Variants in DMD observed in about 807,000 individuals in gnomAD.
The protein encoded by DMD is dystrophin.
A neutral mutation model predicts 330.1 loss-of-function variants in DMD; 63 were observed. The observed-to-expected ratio is 0.19, with a 90% confidence interval of 0.16 to 0.24. The LOEUF (loss-of-function observed/expected upper bound fraction) is 0.24. Ranked by LOEUF, DMD falls within the 10% of genes least tolerant of loss-of-function variation. The pLI is 1.00. For synonymous variants in DMD, 1,223 were observed against 959.8 expected, an observed-to-expected ratio of 1.27 and a Z score of -5.07; for missense variants, 3,344 against 2,684.1, an observed-to-expected ratio of 1.25 and a Z score of -5.43.
At chrX:32,625,196 G>A (rs1280803689) in intron 11 of DMD, among the ~76,000 whole-genome samples, 1 of 111,680 alleles carries the variant, frequency 9.0e-6, no homozygotes, top group Non-Finnish European at 1.9e-5. Context: ...AAGAATGTAG[G>A]AAGGCAATTA....
intron 4 of DMD, among the ~76,000 whole-genome samples, chrX:32,836,867 A>G (rs917594891): frequency 2.7e-5 from 3 of 112,160 alleles, no homozygotes; most frequent in African/African-American, 9.7e-5. Context: ...CCCGTTTATA[A>G]TTTGTGTATG....
chrX:33,103,170 T>C (rs1422006874), intron 1 of DMD, among the ~76,000 whole-genome samples: 3 of 111,706 alleles, frequency 2.7e-5, no homozygotes, highest in Admixed American at 1.9e-4. Context: ...AGCATCACGA[T>C]ATTAAATACG....
intron 43 of DMD, among the ~76,000 whole-genome samples, chrX:32,251,156 T>C (rs2097262072): frequency 9.1e-6 from 1 of 110,115 alleles, no homozygotes; most frequent in African/African-American, 3.3e-5. Context: ...AACCTGCACG[T>C]TCTGCACCTG....
At chrX:31,383,523 G>A (rs1233729827) in intron 60 of DMD, among the ~76,000 whole-genome samples, 1 of 111,994 alleles carries the variant, frequency 8.9e-6, no homozygotes, top group Admixed American at 9.4e-5. Flanking sequence ...AGAAGAGGGC[G>A]GGTCTCTGGC....
intron 2 of DMD, among the ~76,000 whole-genome samples, chrX:32,954,827 A>G (rs1180012180): frequency 9.0e-6 from 1 of 111,617 alleles, no homozygotes. Flanking sequence ...TTTGCTAAGG[A>G]TAATGGCCTC....
At chrX:31,454,951 CTTTTTTTT>C (rs61091457) in intron 59 of DMD, among the ~76,000 whole-genome samples, 1 of 80,193 alleles carries the variant, frequency 1.2e-5, no homozygotes, top group African/African-American at 5.0e-5. Flanking sequence ...TTTTCTTTTT[CTTTTTTTT>C]TTTTTTTTTT....
At chrX:32,603,624 G>GA (rs2056416801) in intron 12 of DMD, among the ~76,000 whole-genome samples, 2 of 110,715 alleles carry the variant, frequency 1.8e-5, no homozygotes, top group South Asian at 7.5e-4. Flanking sequence ...GATTAACCAA[G>GA]AAAAAAACAG....
At chrX:32,111,718 T>C (rs2096590295) in intron 44 of DMD, among the ~76,000 whole-genome samples, 1 of 111,458 alleles carries the variant, frequency 9.0e-6, no homozygotes, top group Non-Finnish European at 1.9e-5. Flanking sequence ...TGTCAACCAC[T>C]TTCCATACCT....
chrX:31,552,432 C>G (rs1300411171), intron 55 of DMD, among the ~76,000 whole-genome samples: 1 of 111,863 alleles, frequency 8.9e-6, no homozygotes, highest in Non-Finnish European at 1.9e-5. Flanking sequence ...CTCAGCCTCC[C>G]AAAGCACTGG....
intron 1 of DMD, among the ~76,000 whole-genome samples, chrX:33,331,145 C>T (rs777316309): frequency 2.1e-4 from 23 of 111,707 alleles, no homozygotes; most frequent in Admixed American, 2.9e-4. Flanking sequence ...AGTTGGTGGG[C>T]TCTAATCCTG....
At chrX:32,155,555 C>G (rs1175537320) in intron 44 of DMD, 1 of 379,981 alleles carries the variant, frequency 2.6e-6, no homozygotes, top group Non-Finnish European at 3.4e-6. Context: ...TGGGCTGAAA[C>G]TCTGCTGGAT....
rs765959002 is a variant in DMD at position 33,068,827 on chromosome X, G to A, written c.32-48627C>T. ...TATGGGAGGTGAAAGATTATTTGTG[G>A]CATCATTACAGCTTTGTGAAACAAT... On this transcript the variant is annotated intron_variant, in intron 1 of 78. Transcript: ENST00000357033. 2.0e-4 allele frequency among the ~76,000 whole-genome samples: 22 copies of A among 112,230 alleles called. No individual in the cohort carries two copies. In the South Asian group the frequency reaches 8.1e-3, roughly 41 times the overall value.
intron 44 of DMD, among the ~76,000 whole-genome samples, chrX:32,015,458 A>G (rs1827307559): frequency 9.0e-6 from 1 of 110,982 alleles, no homozygotes; most frequent in African/African-American, 3.3e-5. Context: ...CACAACAAAG[A>G]CTGCCGGGCT....
At chrX:33,082,347 T>C (rs2094943414) in intron 1 of DMD, among the ~76,000 whole-genome samples, 1 of 112,306 alleles carries the variant, frequency 8.9e-6, no homozygotes, top group African/African-American at 3.2e-5. Flanking sequence ...GGAAACCTCC[T>C]AGGTGCTGCA....
chrX:31,136,010 T>A (rs368734760), intron 76 of DMD, among the ~76,000 whole-genome samples: 4 of 98,844 alleles, frequency 4.0e-5, no homozygotes, highest in Non-Finnish European at 6.2e-5. Flanking sequence ...TTTTTTTTTT[T>A]AACAGCAGAA....
At chrX:32,818,511 TCTCA>T (rs756983040) in intron 5 of DMD, among the ~76,000 whole-genome samples, 32 of 112,163 alleles carry the variant, frequency 2.9e-4, no homozygotes, top group African/African-American at 9.1e-4. Context: ...CGTCCTCAGG[TCTCA>T]CTGTCTCTAA....
chrX:31,549,700 G>A (rs2074365445), intron 55 of DMD, among the ~76,000 whole-genome samples: 1 of 112,353 alleles, frequency 8.9e-6, no homozygotes, highest in Non-Finnish European at 1.9e-5. Context: ...TTTCTCCTAA[G>A]TTAAGCTAAA....
intron 2 of DMD, chrX:32,960,100 G>A (rs1489303161): frequency 8.9e-6 from 1 of 111,964 alleles, no homozygotes; most frequent in Non-Finnish European, 1.9e-5. Flanking sequence ...CTCATTAAAT[G>A]CCTGATCACG....
chrX:32,106,827 G>T (rs2096566104), intron 44 of DMD, among the ~76,000 whole-genome samples: 1 of 111,586 alleles, frequency 9.0e-6, no homozygotes. Flanking sequence ...CAATCAACTG[G>T]CAGGTACAAT....
Sources: allele counts gnomAD v4.1 joint callset (sites outside exome capture counted in the v4.1 genomes callset), GRCh38; gene constraint gnomAD v4.1.1; transcripts MANE v1.5; gene names NCBI Gene and HGNC (gene_info 2026-07-23, HGNC 2026-07-21).